PCDHGA5: variants seen among roughly 807,000 people sequenced by gnomAD.
The protein encoded by PCDHGA5 is protocadherin gamma-A5.
In PCDHGA5, 36 loss-of-function variants were observed where a neutral mutation model predicts 56.7. That is an observed-to-expected ratio of 0.64 (90% confidence interval 0.49 to 0.84). The LOEUF (loss-of-function observed/expected upper bound fraction) is 0.84. Ranked by LOEUF, PCDHGA5 falls within the 40% of genes least tolerant of loss-of-function variation. The pLI, the probability that PCDHGA5 is intolerant of heterozygous loss-of-function variation, is 0.00. For synonymous variants in PCDHGA5, 563 were observed against 520.2 expected (o/e 1.08, Z -1.12); for missense variants, 1,305 against 1,201.5 (o/e 1.09, Z -1.27).
intron 1 of PCDHGA5, among the ~76,000 whole-genome samples, chr5:141,436,923 T>C (rs2097854286): frequency 6.6e-6 from 1 of 152,224 alleles, no homozygotes; most frequent in African/African-American, 2.4e-5. Flanking sequence ...GAGTGTTACT[T>C]TTTCTTTGTC....
At chr5:141,375,922 G>A (rs1772046633) in intron 1 of PCDHGA5, 5 of 1,613,646 alleles carry the variant, frequency 3.1e-6, no homozygotes, top group Admixed American at 1.7e-5. Context: ...AGGCCAGCGA[G>A]CCAGGACTTT....
intron 1 of PCDHGA5, chr5:141,374,947 C>G (rs768274787): frequency 6.2e-7 from 1 of 1,613,900 alleles, no homozygotes; most frequent in African/African-American, 1.3e-5. Context: ...CAGAAAAGAT[C>G]TCACAAATTT....
Position 141,364,658 on chromosome 5 carries a change from G to A in PCDHGA5, c.328G>A (p.Val110Ile). The A allele has an allele frequency of 6.2e-7, 1 of 1,614,020 alleles. No individual in the cohort carries two copies. Among genetic ancestry groups the A allele is most frequent in the South Asian group, 1.1e-5 (1 of 91,082 alleles). ...GTGTGTGGTGAACTTTAACATCTTG[G>A]TTGAGAACAAAATGAAAATTTATGG... The part of the protein sequence containing the change: ...PLCVVNFNIL[V>I]ENKMKIYGVE... The change falls in exon 1 of 4, where the codon GTT becomes ATT. Residue 110 changes from valine to isoleucine, a missense_variant. Physicochemically the swap from Val to Ile is conservative, Grantham distance 29 (BLOSUM62 3). Coordinates refer to ENST00000518069, the MANE Select transcript of PCDHGA5 (RefSeq NM_018918.3).
At position 141,412,987 on chromosome 5, in the gene PCDHGA5, A is replaced by G. The variant is rs192699644; in HGVS notation, c.2421+46236A>G. The G allele has an allele frequency of 3.7e-3, 2,104 of 564,638 alleles. 8 individuals carry two copies. Among genetic ancestry groups the G allele is most frequent in the Admixed American group, 0.011 (308 of 27,526 alleles). 35.0% of individuals were successfully genotyped at this position (564,638 alleles called of 1,614,324 possible). ...AGGAGAGAAAACGCAGCCAGAGCTCAATCCGGATTCTCAGGGCTTCAACTA... is the reference window on the plus strand; with the variant it reads ...AGGAGAGAAAACGCAGCCAGAGCTCGATCCGGATTCTCAGGGCTTCAACTA... On this transcript the variant is annotated intron_variant, in intron 1 of 3. Transcript: ENST00000518069.
chr5:141,371,274 C>T, intron 1 of PCDHGA5: 3 of 1,613,982 alleles, frequency 1.9e-6, no homozygotes, highest in Non-Finnish European at 2.5e-6. Context: ...ACTGTTCAAG[C>T]TGGACAGTAA....
At chr5:141,461,408 CAT>C (rs1491314585) in intron 1 of PCDHGA5, among the ~76,000 whole-genome samples, 2 of 151,994 alleles carry the variant, frequency 1.3e-5, no homozygotes, top group South Asian at 2.1e-4. Flanking sequence ...AGCATTTTTT[CAT>C]ATGTTTGTGG....
In PCDHGA5 at chr5:141,502,866, C is replaced by CTTTTTTTTTT. The variant is rs549047197; in HGVS notation, c.2481-2522_2481-2513dup. On this transcript the variant is annotated intron_variant, in intron 2 of 3. Transcript: ENST00000518069. ...GAGCTGCCTAACCCTGACTCTCTGT[C>CTTTTTTTTTT]TTTTTTTTTTTTTTGACAGGGAGTC... 1.9e-3 allele frequency among the ~76,000 whole-genome samples: 240 copies of CTTTTTTTTTT among 127,966 alleles called. 11 individuals are homozygous for CTTTTTTTTTT. The highest frequency in any genetic ancestry group is 3.5e-3 in the Admixed American group (41 of 11,656). The allele number at this position is 127,966 out of a possible 152,430, so 84.0% of individuals were successfully genotyped here.
Position 141,364,947 on chromosome 5 carries a change from C to T in PCDHGA5, c.617C>T (p.Thr206Ile), listed in dbSNP as rs761720184. The change falls in exon 1 of 4, where the codon ACT becomes ATT. Residue 206 changes from threonine to isoleucine, a missense_variant. Thr to Ile is a moderately conservative substitution (Grantham distance 89). Transcript: ENST00000518069. ...CAGCCCCTAGACCGCGAGAAAGAGA[C>T]TGTTCACGACCTCCTCCTCACAGCT... ...LEQPLDREKETVHDLLLTALD... is the reference protein window; with the variant it reads ...LEQPLDREKEIVHDLLLTALD... The T allele has an allele frequency of 1.2e-6, 2 of 1,613,944 alleles. No homozygotes were observed. Among genetic ancestry groups the T allele is most frequent in the African/African-American group, 1.3e-5 (1 of 75,038 alleles).
At position 141,487,425 on chromosome 5, in the gene PCDHGA5, G is replaced by A. The variant is rs116499036; in HGVS notation, c.2422-7382G>A. ...CTTCCCCCTTCCAATGGGATCCTCCGAATCCAGCTAGGGTCAGATGACCCT... is the reference window on the plus strand; with the variant it reads ...CTTCCCCCTTCCAATGGGATCCTCCAAATCCAGCTAGGGTCAGATGACCCT... On this transcript the variant is annotated intron_variant, in intron 1 of 3. Coordinates refer to ENST00000518069, the MANE Select transcript of PCDHGA5 (RefSeq NM_018918.3). This position sits in a 1 kb window ranked among gnomAD's most constrained non-coding sequence, Gnocchi z 5.0. The A allele has an allele frequency of 1.1e-5, 17 of 1,613,988 alleles. No individual in the cohort carries two copies. The highest frequency in any genetic ancestry group is 1.6e-4 in the Middle Eastern group (1 of 6,084).
intron 1 of PCDHGA5, chr5:141,421,919 TG>T: frequency 6.2e-7 from 1 of 1,613,642 alleles, no homozygotes; most frequent in Non-Finnish European, 8.5e-7. Flanking sequence ...CCCATTCGTG[TG>T]GTGGTCCTCG....
chr5:141,484,757 T>C (rs2099600412), intron 1 of PCDHGA5, among the ~76,000 whole-genome samples: 1 of 151,626 alleles, frequency 6.6e-6, no homozygotes, highest in East Asian at 1.9e-4. Flanking sequence ...AATGTATATA[T>C]ATATATATGT....
At chr5:141,399,836 T>C (rs2093900703) in intron 1 of PCDHGA5, 2 of 1,613,080 alleles carry the variant, frequency 1.2e-6, no homozygotes, top group East Asian at 2.2e-5. Context: ...GGCTCTGCGC[T>C]CTTCGATATG....
At chr5:141,453,475 A>C (rs2098766452) in intron 1 of PCDHGA5, among the ~76,000 whole-genome samples, 1 of 151,996 alleles carries the variant, frequency 6.6e-6, no homozygotes, top group Non-Finnish European at 1.5e-5. Context: ...ATAAAGTCAA[A>C]ACTATTAAAA....
At chr5:141,450,815 A>ATAT (rs1420984335) in intron 1 of PCDHGA5, among the ~76,000 whole-genome samples, 2,245 of 126,710 alleles carry the variant, frequency 0.018, 73 homozygotes, top group African/African-American at 0.063. Flanking sequence ...TATTTATTTA[A>ATAT]TATTATTATT....
Position 141,366,324 on chromosome 5 carries a change from C to G in PCDHGA5, c.1994C>G (p.Ala665Gly). The G allele has an allele frequency of 6.2e-7, 1 of 1,613,838 alleles. No individual in the cohort carries two copies. The highest frequency in any genetic ancestry group is 8.5e-7 in the Non-Finnish European group (1 of 1,180,004). ...ACCTTCACGGTCACCGTTGCCGTGG[C>G]CGACAGGATCCCTGACATCCTGGCT... The part of the protein sequence containing the change: ...SATFTVTVAV[A>G]DRIPDILADL... The change falls in exon 1 of 4, where the codon GCC becomes GGC. Residue 665 changes from alanine (A) to glycine (G), a missense_variant. By Grantham distance (60) the Ala-to-Gly change is moderately conservative. Transcript: ENST00000518069.
In PCDHGA5 at chr5:141,365,103, G is replaced by T. The variant is rs1178900186; in HGVS notation, c.773G>T (p.Gly258Val). Residue 258 changes from glycine (G) to valine (V), a missense_variant, in exon 1 of 4, where the codon GGC becomes GTC. Coordinates refer to ENST00000518069, the MANE Select transcript of PCDHGA5 (RefSeq NM_018918.3). ...SVSVPENIPV[G>V]TRLLMLTATD... Reference sequence around the variant, plus strand: ...AGTGTTCCAGAGAACATACCTGTGGGCACTCGGCTGCTCATGCTAACCGCC... The same window carrying T: ...AGTGTTCCAGAGAACATACCTGTGGTCACTCGGCTGCTCATGCTAACCGCC... 1.9e-6 allele frequency: 3 copies of T among 1,613,722 alleles called. No homozygotes were observed. Among genetic ancestry groups the T allele is most frequent in the Non-Finnish European group, 1.7e-6 (2 of 1,179,870 alleles).
intron 1 of PCDHGA5, chr5:141,370,191 T>C: frequency 1.9e-6 from 1 of 522,822 alleles, no homozygotes; most frequent in Non-Finnish European, 3.3e-6. Context: ...TCTTGGCTAG[T>C]GCTGTGCAAA....
intron 1 of PCDHGA5, among the ~76,000 whole-genome samples, chr5:141,453,095 G>T (rs1254113352): frequency 6.6e-6 from 1 of 151,962 alleles, no homozygotes; most frequent in African/African-American, 2.4e-5. Flanking sequence ...TATATTTTCT[G>T]TTGCTTTTTT....
intron 1 of PCDHGA5, chr5:141,428,344 G>C (rs970552377): frequency 8.4e-6 from 5 of 596,498 alleles, no homozygotes; most frequent in Non-Finnish European, 1.5e-5. Context: ...CTTCTTCCTC[G>C]CAGTGATTTT....
Sources: gnomAD v4.1 joint callset for allele counts (sites outside exome capture counted in the v4.1 genomes callset) on GRCh38, gnomAD v4.1.1 for gene constraint, Gnocchi (gnomAD v3.1) non-coding constraint, MANE v1.5 for transcripts, NCBI Gene and HGNC (gene_info 2026-07-23, HGNC 2026-07-21) for gene names.